AP2A2: variants seen among roughly 807,000 people sequenced by gnomAD.
AP2A2 encodes adaptor related protein complex 2 subunit alpha 2.
A neutral mutation model predicts 104.2 loss-of-function variants in AP2A2; 32 were observed. The ratio of observed to expected loss-of-function variants is 0.31; its 90% CI spans 0.23 to 0.41. The LOEUF (loss-of-function observed/expected upper bound fraction) is 0.41, where lower values mean the gene tolerates loss of function less well. Among genes scored for constraint, AP2A2 ranks in the 10% least tolerant of loss-of-function variants. AP2A2 has a pLI of 1.00. For synonymous variants in AP2A2, 539 were observed against 533.3 expected (o/e 1.01, Z -0.15); for missense variants, 912 against 1,261.0 (o/e 0.72, Z 4.19).
At chr11:940,996 C>G (rs1204782863) in intron 1 of AP2A2, 1 of 447,646 alleles carries the variant, frequency 2.2e-6, no homozygotes, top group Non-Finnish European at 4.5e-6. Flanking sequence ...TCACGAGGCC[C>G]CTTGCTCCAC....
intron 2 of AP2A2, among the ~76,000 whole-genome samples, chr11:966,552 C>G (rs986998417): frequency 2.0e-5 from 3 of 152,136 alleles, no homozygotes; most frequent in Admixed American, 1.3e-4. Flanking sequence ...TTCATTTTAC[C>G]GTGAGTTTGC....
chr11:1,000,459 C>T lies in AP2A2; in HGVS notation c.1984C>T (p.Leu662=), dbSNP rs2133768758. 3 of 1,542,902 alleles carry T rather than the reference C, an allele frequency of 1.9e-6. No individual in the cohort carries two copies. The highest frequency in any genetic ancestry group is 4.9e-5 in the East Asian group (2 of 41,090). Reference sequence around the variant, plus strand: ...TACGCCTTCTCCGTCGGCAGACCTGCTGGGTCTCGGGGCTGCCCCCCCTGC... The same window carrying T: ...TACGCCTTCTCCGTCGGCAGACCTGTTGGGTCTCGGGGCTGCCCCCCCTGC... The part of the protein sequence containing the change: ...VSTPSPSADL[L]GLGAAPPAPA... The change falls in exon 15 of 22, where the codon CTG becomes TTG. Residue 662 remains leucine (L), a synonymous_variant. Coordinates refer to ENST00000448903, the MANE Select transcript of AP2A2 (RefSeq NM_012305.4).
chr11:936,710 CGTT>C (rs1853470459), intron 1 of AP2A2, among the ~76,000 whole-genome samples: 1 of 152,154 alleles, frequency 6.6e-6, no homozygotes, highest in African/African-American at 2.4e-5. Flanking sequence ...AGATGCTTGA[CGTT>C]GTGAATTTCA....
chr11:983,120 C>T (rs1010947916), intron 6 of AP2A2, among the ~76,000 whole-genome samples: 5 of 144,242 alleles, frequency 3.5e-5, no homozygotes, highest in Admixed American at 7.2e-5. Context: ...TGTGTTCAAG[C>T]GATTCTCCTA....
intron 2 of AP2A2, among the ~76,000 whole-genome samples, chr11:962,550 T>A (rs1020839652): frequency 6.6e-6 from 1 of 152,008 alleles, no homozygotes; most frequent in Non-Finnish European, 1.5e-5. Flanking sequence ...CTGGCCAACA[T>A]GGTGAAACCC....
rs116213636 is a variant in AP2A2 at position 949,121 on chromosome 11, C to T, written c.68-10316C>T. ...CTGGCCAACATCTCTACTAAAAATG[C>T]AAAAATTGGATGAGTGTGGTGGCAC... On this transcript the variant is annotated intron_variant, in intron 1 of 21. Coordinates refer to ENST00000448903, the MANE Select transcript of AP2A2 (RefSeq NM_012305.4). 8.9e-3 allele frequency among the ~76,000 whole-genome samples: 1,349 copies of T among 151,230 alleles called. 27 individuals carry two copies. Among genetic ancestry groups the T allele is most frequent in the African/African-American group, 0.031 (1,295 of 41,168 alleles).
rs539786526 is a variant in AP2A2 at position 1,006,325 on chromosome 11, GA to G, written c.2207-202del. On this transcript the variant is annotated intron_variant, in intron 16 of 21. Transcript: ENST00000448903. The stretch of plus-strand genomic sequence containing the variant: ...GGGCGGAAGTTACCTCTGACTGGAG[GA>G]GATACCCGGCCCGTGTTACCAGCAC... Among the ~76,000 whole-genome samples the G allele has an allele frequency of 3.4e-3, 513 of 152,356 alleles. 4 individuals carry two copies. The highest frequency in any genetic ancestry group is 0.012 in the African/African-American group (494 of 41,576).
At chr11:1,004,055 G>A (rs1162344178) in intron 16 of AP2A2, among the ~76,000 whole-genome samples, 1 of 152,004 alleles carries the variant, frequency 6.6e-6, no homozygotes, top group Admixed American at 6.6e-5. Flanking sequence ...TTGAAAAGAC[G>A]ACATTCTCCA....
intron 2 of AP2A2, among the ~76,000 whole-genome samples, chr11:965,330 G>T (rs1448395758): frequency 1.3e-5 from 2 of 152,214 alleles, no homozygotes; most frequent in Non-Finnish European, 2.9e-5. Flanking sequence ...GGTAACGCCA[G>T]TGTGTTGTGT....
chr11:995,737 C>A (rs796649858), intron 14 of AP2A2, among the ~76,000 whole-genome samples: 1 of 102,602 alleles, frequency 9.7e-6, no homozygotes, highest in Admixed American at 1.1e-4. Flanking sequence ...CTTCCCTCCC[C>A]CTCTTCCTCC....
chr11:987,809 G>C (rs1855514516), intron 9 of AP2A2, among the ~76,000 whole-genome samples: 1 of 152,258 alleles, frequency 6.6e-6, no homozygotes, highest in South Asian at 2.1e-4. Context: ...ACATGCGTTA[G>C]GGAGTGGGAG....
chr11:993,665 G>A lies in AP2A2; in HGVS notation c.1551-89G>A, dbSNP rs1377778192. 12 of 1,018,252 alleles carry A rather than the reference G, an allele frequency of 1.2e-5. No individual in the cohort carries two copies. The highest frequency in any genetic ancestry group is 3.2e-5 in the African/African-American group (2 of 62,298). 63.1% of individuals were successfully genotyped at this position (1,018,252 alleles called of 1,614,324 possible). A position where few individuals can be genotyped will look rare whatever the true frequency, so the allele number is the denominator to read the frequency against. On this transcript the variant is annotated intron_variant, in intron 12 of 21. Coordinates refer to ENST00000448903, the MANE Select transcript of AP2A2 (RefSeq NM_012305.4). This position sits in a 1 kb window ranked among gnomAD's most constrained non-coding sequence, Gnocchi z 8.2. ...CCAGCGGCCTCTGGTGCAGGCCAGG[G>A]GGTCTCGCCGCCGTCCCCCCCCCGC...
At chr11:1,009,031 C>G (rs1332791382) in intron 18 of AP2A2, 69 bp from the exon 19 acceptor site, 1 of 1,352,470 alleles carries the variant, frequency 7.4e-7, no homozygotes, top group African/African-American at 1.4e-5. Context: ...ACTCCAGGCT[C>G]TTTCCCGGTC....
Position 926,042 on chromosome 11 carries a change from G to A in AP2A2, c.21G>A (p.Gly7=), listed in dbSNP as rs1446624309. The A allele has an allele frequency of 7.2e-7, 1 of 1,391,210 alleles. No homozygotes were observed. Among genetic ancestry groups the A allele is most frequent in the South Asian group, 1.6e-5 (1 of 60,706 alleles). 86.2% of individuals were successfully genotyped at this position (1,391,210 alleles called of 1,614,324 possible). MPAVSK[G]DGMRGLAVFI... is the part of the protein sequence containing the mutation. Reference sequence around the variant, plus strand: ...GGAAGATGCCGGCCGTGTCCAAGGGGGACGGGATGCGGGGCCTGGCGGTCT... The same window carrying A: ...GGAAGATGCCGGCCGTGTCCAAGGGAGACGGGATGCGGGGCCTGGCGGTCT... The change falls in exon 1 of 22, where the codon GGG becomes GGA. Residue 7 remains glycine, a synonymous_variant. Transcript: ENST00000448903.
intron 17 of AP2A2, chr11:1,007,319 T>A (rs771346482): frequency 6.5e-6 from 1 of 153,520 alleles, no homozygotes; most frequent in Non-Finnish European, 1.5e-5. Flanking sequence ...AAAACAGTCA[T>A]TAAAAATACA....
intron 14 of AP2A2, among the ~76,000 whole-genome samples, chr11:999,656 C>A (rs978035996): frequency 2.0e-5 from 3 of 151,850 alleles, no homozygotes; most frequent in Non-Finnish European, 2.9e-5. Flanking sequence ...TAAAAGTATC[C>A]GTTCTGTAGA....
chr11:939,193 G>T (rs1853563048), intron 1 of AP2A2, among the ~76,000 whole-genome samples: 1 of 148,098 alleles, frequency 6.8e-6, no homozygotes, highest in South Asian at 2.2e-4. Context: ...GGAGGTTGCA[G>T]TGAGCCGAGA....
At chr11:941,820 C>T (rs1025213776) in intron 1 of AP2A2, among the ~76,000 whole-genome samples, 3 of 152,056 alleles carry the variant, frequency 2.0e-5, no homozygotes, top group Non-Finnish European at 2.9e-5. Context: ...CTCCTGATCT[C>T]AAGTGATCTG....
In AP2A2 at chr11:957,426, C is replaced by T. The variant is rs1460634690; in HGVS notation, c.68-2011C>T. Among the ~76,000 whole-genome samples the T allele has an allele frequency of 7.9e-5, 12 of 152,324 alleles. 1 individual carries two copies. In the East Asian group the frequency reaches 1.2e-3, roughly 15 times the overall value. On this transcript the variant is annotated intron_variant, in intron 1 of 21. Coordinates refer to ENST00000448903, the MANE Select transcript of AP2A2 (RefSeq NM_012305.4). Reference sequence around the variant, plus strand: ...GCAGATTCTTCCCGGCCTATCTGTGCGGCGTTCCTTCCCCCGGGGTGTGGG... The same window carrying T: ...GCAGATTCTTCCCGGCCTATCTGTGTGGCGTTCCTTCCCCCGGGGTGTGGG...
Sources: gnomAD v4.1 joint callset for allele counts (sites outside exome capture counted in the v4.1 genomes callset) on GRCh38, gnomAD v4.1.1 for gene constraint, Gnocchi (gnomAD v3.1) non-coding constraint, MANE v1.5 for transcripts, NCBI Gene and HGNC (gene_info 2026-07-23, HGNC 2026-07-21) for gene names.